Variants in SLCO4A1 observed in about 807,000 individuals in gnomAD.
The protein encoded by SLCO4A1 is solute carrier organic anion transporter family member 4A1, also known as colon organic anion transporter.
SLCO4A1 carries 51 observed loss-of-function variants against 64.6 expected under a neutral mutation model. The observed-to-expected ratio is 0.79, with a 90% confidence interval of 0.63 to 1.00. The LOEUF (loss-of-function observed/expected upper bound fraction) is 1.00. Ranked by LOEUF, SLCO4A1 falls within the 50% of genes least tolerant of loss-of-function variation. The pLI is 0.00. For synonymous variants in SLCO4A1, 471 were observed against 444.9 expected, an observed-to-expected ratio of 1.06 and a Z score of -0.74; for missense variants, 919 against 980.5, an observed-to-expected ratio of 0.94 and a Z score of 0.84.
At position 62,656,558 on chromosome 20, in the gene SLCO4A1, C is replaced by G; in HGVS notation, c.104C>G (p.Pro35Arg). 1 of 1,583,308 alleles carries G rather than the reference C, an allele frequency of 6.3e-7. No homozygotes were observed. Among genetic ancestry groups the G allele is most frequent in the Non-Finnish European group, 8.5e-7 (1 of 1,169,850 alleles). ...DHTPPSRRAS[P>R]GTPLSPGSLR... Reference sequence around the variant, plus strand: ...ACCCCACCCAGCAGGAGGGCATCCCCGGGCACACCCCTGAGCCCCGGCTCC... The same window carrying G: ...ACCCCACCCAGCAGGAGGGCATCCCGGGGCACACCCCTGAGCCCCGGCTCC... Residue 35 changes from proline (P) to arginine (R), a missense_variant, in exon 2 of 12, where the codon CCG (proline) becomes CGG (arginine). Coordinates refer to ENST00000217159, the MANE Select transcript of SLCO4A1 (RefSeq NM_016354.4).
At position 62,656,513 on chromosome 20, in the gene SLCO4A1, T is replaced by C. The variant is rs199951467; in HGVS notation, c.59T>C (p.Met20Thr). The change falls in exon 2 of 12, where the codon ATG becomes ACG. Residue 20 changes from methionine (M) to threonine (T), a missense_variant. Coordinates refer to ENST00000217159, the MANE Select transcript of SLCO4A1 (RefSeq NM_016354.4). ...PLTFPSPNSA[M>T]ENGLDHTPPS... ...ACCTTCCCCAGCCCCAACTCAGCCATGGAAAACGGGCTTGACCACACCCCA... is the reference window on the plus strand; with the variant it reads ...ACCTTCCCCAGCCCCAACTCAGCCACGGAAAACGGGCTTGACCACACCCCA... The C allele has an allele frequency of 3.1e-5, 48 of 1,560,848 alleles. No homozygotes were observed. The Admixed American group carries it at 8.5e-4, about 28-fold the overall frequency.
At chr20:62,674,455 G>T (rs1022941509), downstream of SLCO4A1, among the ~76,000 whole-genome samples, 1 of 152,246 alleles carries the variant, frequency 6.6e-6, no homozygotes, top group Non-Finnish European at 1.5e-5. Flanking sequence ...ATCAGGGAAA[G>T]GGGGGAAGAG....
chr20:62,690,041 A>T (rs1988179318), downstream of SLCO4A1, among the ~76,000 whole-genome samples: 1 of 152,110 alleles, frequency 6.6e-6, no homozygotes, highest in South Asian at 2.1e-4. Context: ...CCTGCGCGGC[A>T]GGTGAACGAC....
downstream of SLCO4A1, chr20:62,672,480 A>G (rs7263231): frequency 1.8e-5 from 3 of 169,172 alleles, no homozygotes; most frequent in Admixed American, 1.8e-4. Flanking sequence ...GATTCATCCC[A>G]CCTTGGATGG....
intron 3 of SLCO4A1, among the ~76,000 whole-genome samples, chr20:62,659,791 C>T (rs1017630442): frequency 1.3e-5 from 2 of 152,244 alleles, no homozygotes; most frequent in Non-Finnish European, 1.5e-5. Flanking sequence ...GCCTTTTGCC[C>T]TCCCGCCGCT....
At chr20:62,668,435 C>T in intron 9 of SLCO4A1, 42 bp from the exon 10 acceptor site, 2 of 1,598,826 alleles carry the variant, frequency 1.3e-6, no homozygotes, top group Non-Finnish European at 1.7e-6. Context: ...TGGCATGCAA[C>T]CCCACTTCTG....
intron 11 of SLCO4A1, chr20:62,669,867 C>T (rs751751671): frequency 6.6e-6 from 1 of 152,158 alleles, no homozygotes; most frequent in Non-Finnish European, 1.5e-5. Context: ...CTGAGCAGGG[C>T]CTTGTGTGGC....
At chr20:62,673,745 G>C (rs1347875960), downstream of SLCO4A1, among the ~76,000 whole-genome samples, 1 of 151,420 alleles carries the variant, frequency 6.6e-6, no homozygotes, top group African/African-American at 2.4e-5. Context: ...TCCTGCCAAG[G>C]GCCACGTGAG....
At chr20:62,646,667 C>T (rs1247396709) in intron 1 of SLCO4A1, among the ~76,000 whole-genome samples, 3 of 152,228 alleles carry the variant, frequency 2.0e-5, no homozygotes, top group African/African-American at 7.2e-5. Context: ...CCCATGAACT[C>T]CAGTGCTGAC....
chr20:62,642,621 G>A, intron 1 of SLCO4A1, 68 bp downstream of exon 1: 1 of 166,904 alleles, frequency 6.0e-6, no homozygotes, highest in South Asian at 1.3e-4. Flanking sequence ...TAGGAGCGCG[G>A]CAGGTGCCGC....
intron 1 of SLCO4A1, chr20:62,651,208 C>T (rs1373363094): frequency 6.6e-6 from 1 of 152,370 alleles, no homozygotes; most frequent in South Asian, 2.1e-4. Context: ...AAGGCCCACC[C>T]TCCCCTTTCC....
At chr20:62,648,700 G>A (rs575018405) in intron 1 of SLCO4A1, among the ~76,000 whole-genome samples, 117 of 152,306 alleles carry the variant, frequency 7.7e-4, no homozygotes, top group African/African-American at 2.5e-3. Context: ...GAAGGTTCCT[G>A]GGCAGCGATG....
downstream of SLCO4A1, among the ~76,000 whole-genome samples, chr20:62,676,046 G>T (rs1020348773): frequency 1.3e-5 from 2 of 152,204 alleles, no homozygotes; most frequent in Non-Finnish European, 1.5e-5. Flanking sequence ...AGAGTCAGAC[G>T]CCAGGAGCAG....
At chr20:62,654,671 TC>T (rs1983312319) in intron 1 of SLCO4A1, among the ~76,000 whole-genome samples, 1 of 152,186 alleles carries the variant, frequency 6.6e-6, no homozygotes, top group Admixed American at 6.5e-5. Flanking sequence ...TTTTGGAGCC[TC>T]CCAGGTTGTG....
At chr20:62,667,484 G>C in intron 7 of SLCO4A1, 2 of 495,666 alleles carry the variant, frequency 4.0e-6, no homozygotes, top group Non-Finnish European at 7.2e-6. Flanking sequence ...AAATGAACTA[G>C]GGAAAGGGGC....
chr20:62,660,592 G>A (rs1035438931), intron 4 of SLCO4A1, 59 bp downstream of exon 4: 6 of 1,570,002 alleles, frequency 3.8e-6, no homozygotes, highest in African/African-American at 2.7e-5. Context: ...TAGTCTTCGC[G>A]AAGGGGGCAC....
intron 2 of SLCO4A1, among the ~76,000 whole-genome samples, chr20:62,657,471 G>A (rs2147079230): frequency 6.6e-6 from 1 of 152,364 alleles, no homozygotes; most frequent in East Asian, 1.9e-4. Flanking sequence ...CCTGCTCAGG[G>A]CTCCAGGCCG....
chr20:62,670,319 A>T (rs1197019749), intron 11 of SLCO4A1: 20 of 152,160 alleles, frequency 1.3e-4, no homozygotes, highest in Admixed American at 1.2e-3. Context: ...ATAAGACATA[A>T]CCTTTGTCCA....
rs1404326163 is a variant in SLCO4A1, at chr20:62,656,398, T to C, written c.-57T>C. 20 of 1,415,452 alleles carry C rather than the reference T, an allele frequency of 1.4e-5. No individual in the cohort carries two copies. The highest frequency in any genetic ancestry group is 1.7e-5 in the Non-Finnish European group (18 of 1,076,670). 87.7% of individuals were successfully genotyped at this position (1,415,452 alleles called of 1,614,324 possible). On this transcript the variant is annotated 5_prime_UTR_variant, in exon 2 of 12. Transcript: ENST00000217159. ...TCGGATACCACTTGGCCACTCCCGC[T>C]GAGGCCACTCCCACTGCGTGGCTGA... is the stretch of plus-strand genomic sequence containing the variant.
Sources: gnomAD v4.1 joint callset for allele counts (sites outside exome capture counted in the v4.1 genomes callset) on GRCh38, gnomAD v4.1.1 for gene constraint, MANE v1.5 for transcripts, NCBI Gene and HGNC (gene_info 2026-07-23, HGNC 2026-07-21) for gene names.